Variants in BICDL1 observed in about 807,000 individuals in gnomAD.
BICDL1 encodes BICD family like cargo adaptor 1, also known as BICD family-like cargo adapter 1.
In BICDL1, 20 loss-of-function variants were observed where a neutral mutation model predicts 76.8. That is an observed-to-expected ratio of 0.26 (90% CI 0.18 to 0.38). The LOEUF (loss-of-function observed/expected upper bound fraction) is 0.38, where lower values mean the gene tolerates loss of function less well. Among genes scored for constraint, BICDL1 ranks in the 10% least tolerant of loss-of-function variants. The probability of loss-of-function intolerance (pLI) is 1.00; values close to 1 mark genes in which losing one functional copy is unlikely to be tolerated. For synonymous variants in BICDL1, 383 were observed against 337.1 expected (o/e 1.14, Z -1.49); for missense variants, 700 against 798.6 (o/e 0.88, Z 1.49).
rs866465471 is a variant in BICDL1, at chr12:120,005,827, C to T, written c.645+7091C>T. 4.6e-5 allele frequency among the ~76,000 whole-genome samples: 7 copies of T among 152,264 alleles called. No homozygotes were observed. The South Asian group carries it at 1.0e-3, about 23-fold the overall frequency. On this transcript the variant is annotated intron_variant, in intron 2 of 9. Coordinates refer to ENST00000548673, the MANE Select transcript of BICDL1 (RefSeq NM_001367886.1). Reference sequence around the variant, plus strand: ...ATGTAACAGCTATGCCATTGAAGGGCATATGTGTTGGTTATAGTGATTTAG... The same window carrying T: ...ATGTAACAGCTATGCCATTGAAGGGTATATGTGTTGGTTATAGTGATTTAG...
At chr12:119,996,987 C>T (rs571905281) in intron 1 of BICDL1, among the ~76,000 whole-genome samples, 5 of 150,106 alleles carry the variant, frequency 3.3e-5, no homozygotes, top group African/African-American at 9.9e-5. Flanking sequence ...CTCGCTCCGT[C>T]GTCCGGGCTA....
At chr12:120,069,807 G>A (rs1666688429) in intron 4 of BICDL1, among the ~76,000 whole-genome samples, 3 of 152,018 alleles carry the variant, frequency 2.0e-5, no homozygotes, top group Admixed American at 2.0e-4. Flanking sequence ...TACAGACCAC[G>A]ATCAGCACCC....
chr12:120,033,200 T>G (rs1476833547), intron 2 of BICDL1, among the ~76,000 whole-genome samples: 1 of 152,106 alleles, frequency 6.6e-6, no homozygotes, highest in Non-Finnish European at 1.5e-5. Context: ...TCAAAAGATG[T>G]CCTTTACAGC....
chr12:120,078,524 G>A lies in BICDL1; in HGVS notation c.1453-2363G>A, dbSNP rs548313440. On this transcript the variant is annotated intron_variant, in intron 7 of 9. Coordinates refer to ENST00000548673, the MANE Select transcript of BICDL1 (RefSeq NM_001367886.1). ...GACAGCAGTGATTAGGTCCCACCTT[G>A]CAGGAGGGAGGAGAGAGTAGAGCTT... Among the ~76,000 whole-genome samples, 7 of 152,346 alleles carry A rather than the reference G, an allele frequency of 4.6e-5. No homozygotes were observed. The South Asian group carries it at 1.4e-3, about 32-fold the overall frequency.
At chr12:120,089,713 G>A (rs193089797) in intron 8 of BICDL1, among the ~76,000 whole-genome samples, 2 of 152,316 alleles carry the variant, frequency 1.3e-5, no homozygotes, top group East Asian at 1.9e-4. Context: ...GTGAGGTGGG[G>A]ATGACAAATA....
intron 2 of BICDL1, among the ~76,000 whole-genome samples, chr12:120,022,426 TTTATA>T (rs1401234477): frequency 2.0e-5 from 3 of 147,286 alleles, no homozygotes; most frequent in African/African-American, 7.4e-5. Context: ...ATATATATTT[TTTATA>T]TTATATATAA....
intron 8 of BICDL1, among the ~76,000 whole-genome samples, chr12:120,085,006 C>T (rs1874287381): frequency 6.6e-6 from 1 of 152,092 alleles, no homozygotes; most frequent in South Asian, 2.1e-4. Flanking sequence ...ACCTTTGGGT[C>T]CCCTTTTCTT....
chr12:120,034,564 G>C (rs75086154), intron 2 of BICDL1, among the ~76,000 whole-genome samples: 418 of 152,340 alleles, frequency 2.7e-3, no homozygotes, highest in Middle Eastern at 0.017. Context: ...TCACATGCCA[G>C]TTTCTTTCGA....
At chr12:120,016,434 C>CTTT (rs1174613877) in intron 2 of BICDL1, among the ~76,000 whole-genome samples, 150 of 95,870 alleles carry the variant, frequency 1.6e-3, no homozygotes, top group Non-Finnish European at 2.0e-3. Context: ...TGTCTGTAAC[C>CTTT]TTTTTTTTTT....
At chr12:120,036,980 T>C (rs1040587019) in intron 2 of BICDL1, among the ~76,000 whole-genome samples, 1 of 152,200 alleles carries the variant, frequency 6.6e-6, no homozygotes, top group African/African-American at 2.4e-5. Flanking sequence ...TCAGTATGCT[T>C]TGAGGATTCA....
At chr12:120,060,998 G>C (rs1329160715) in intron 2 of BICDL1, among the ~76,000 whole-genome samples, 1 of 152,174 alleles carries the variant, frequency 6.6e-6, no homozygotes, top group Non-Finnish European at 1.5e-5. Flanking sequence ...AGTGGGCAGG[G>C]CTCCCTCAGT....
chr12:120,066,351 A>G (rs1436856256), intron 4 of BICDL1, among the ~76,000 whole-genome samples: 4 of 152,218 alleles, frequency 2.6e-5, no homozygotes, highest in Non-Finnish European at 5.9e-5. Flanking sequence ...GAGAAGGAAA[A>G]TAAGTATGGA....
rs1211064769 is a variant in BICDL1, at chr12:120,093,292, G to C, written c.*131G>C. 1 of 1,080,696 alleles carries C rather than the reference G, an allele frequency of 9.3e-7. No individual in the cohort carries two copies. The highest frequency in any genetic ancestry group is 1.6e-5 in the African/African-American group (1 of 63,038). The allele number at this position is 1,080,696 out of a possible 1,614,324, so 66.9% of individuals were successfully genotyped here. Reference sequence around the variant, plus strand: ...CTCATGCTAGGGCCCCATGGGTCCGGGAGGGCCTGCTCCCTTTCGTCGGTG... The same window carrying C: ...CTCATGCTAGGGCCCCATGGGTCCGCGAGGGCCTGCTCCCTTTCGTCGGTG... On this transcript the variant is annotated 3_prime_UTR_variant, in exon 10 of 10. Transcript: ENST00000548673.
At chr12:120,062,077 A>T (rs1329651427) in intron 3 of BICDL1, among the ~76,000 whole-genome samples, 1 of 152,096 alleles carries the variant, frequency 6.6e-6, no homozygotes, top group East Asian at 1.9e-4. Flanking sequence ...CTCTCCAAAA[A>T]TATCCTTGCC....
intron 4 of BICDL1, 111 bp downstream of exon 4, chr12:120,064,990 G>T: frequency 1.6e-6 from 2 of 1,277,250 alleles, no homozygotes; most frequent in Non-Finnish European, 2.2e-6. Flanking sequence ...GCTGGGAGTG[G>T]ATGATGCTGA....
chr12:120,014,213 C>T (rs575483264), intron 2 of BICDL1, among the ~76,000 whole-genome samples: 12 of 152,286 alleles, frequency 7.9e-5, no homozygotes, highest in African/African-American at 2.6e-4. Flanking sequence ...TAAAGAAGAA[C>T]TTCAATATTT....
At chr12:120,019,321 T>C (rs1952132607) in intron 2 of BICDL1, 1 of 152,196 alleles carries the variant, frequency 6.6e-6, no homozygotes, top group Non-Finnish European at 1.5e-5. Context: ...TGTTACTCAT[T>C]TATTTATATT....
chr12:120,011,563 C>T (rs1320588158), intron 2 of BICDL1, among the ~76,000 whole-genome samples: 1 of 152,128 alleles, frequency 6.6e-6, no homozygotes, highest in Non-Finnish European at 1.5e-5. Context: ...CAGGTAATAT[C>T]TTTGATAATC....
intron 9 of BICDL1, chr12:120,092,699 G>A: frequency 1.0e-6 from 1 of 985,446 alleles, no homozygotes; most frequent in Non-Finnish European, 1.2e-6. Context: ...TGCTAGTGTG[G>A]AGACTGCAGG....
Sources: gnomAD v4.1 joint callset for allele counts (sites outside exome capture counted in the v4.1 genomes callset) on GRCh38, gnomAD v4.1.1 for gene constraint, MANE v1.5 for transcripts, NCBI Gene and HGNC (gene_info 2026-07-23, HGNC 2026-07-21) for gene names.